Variants in ARHGAP39 observed in about 807,000 individuals in gnomAD.
ARHGAP39 encodes rho GTPase-activating protein 39.
ARHGAP39 carries 44 observed loss-of-function variants against 106.9 expected under a neutral mutation model. The ratio of observed to expected loss-of-function variants is 0.41; its 90% CI spans 0.32 to 0.53. The LOEUF is 0.53. ARHGAP39 is among the 20% of genes least tolerant of loss of function. The pLI, the probability that ARHGAP39 is intolerant of heterozygous loss-of-function variation, is 0.21. For missense variants in ARHGAP39, 1,496 were observed against 1,577.3 expected, an observed-to-expected ratio of 0.95 and a Z score of 0.87; for synonymous variants, 768 against 693.2, an observed-to-expected ratio of 1.11 and a Z score of -1.69.
Position 144,679,137 on chromosome 8 carries a change from C to T in ARHGAP39, c.-82+6549G>A, listed in dbSNP as rs1203841654. On this transcript the variant is annotated intron_variant, in intron 1 of 11. Coordinates refer to ENST00000377307, the MANE Select transcript of ARHGAP39 (RefSeq NM_025251.3). This position sits in a 1 kb window ranked among gnomAD's most constrained non-coding sequence, Gnocchi z 4.7. ...GAGTCTGAGCCGCCTCAGGGGCTCT[C>T]GCGCATGGTGGCCGGCTCCAGCGTC... Among the ~76,000 whole-genome samples the T allele has an allele frequency of 6.6e-6, 1 of 152,170 alleles. No individual in the cohort carries two copies. The highest frequency in any genetic ancestry group is 1.5e-5 in the Non-Finnish European group (1 of 68,026).
intron 2 of ARHGAP39, 41 bp from the exon 3 acceptor site, chr8:144,581,318 C>T: frequency 6.7e-7 from 1 of 1,503,700 alleles, no homozygotes; most frequent in Admixed American, 2.1e-5. Flanking sequence ...GCCACGGCGG[C>T]CTGGGCCCGC....
Position 144,530,599 on chromosome 8 carries a change from G to T in ARHGAP39, c.3168C>A (p.Ala1056=), listed in dbSNP as rs1420219324. 3.1e-6 allele frequency: 5 copies of T among 1,609,610 alleles called. No homozygotes were observed. Among genetic ancestry groups the T allele is most frequent in the Non-Finnish European group, 4.2e-6 (5 of 1,178,450 alleles). Residue 1056 remains alanine, a synonymous_variant, in exon 12 of 12, where the codon GCC becomes GCA. Transcript: ENST00000377307. ...CATCCATCTTGGTGACCGCGACGTT[G>T]GCCGGCTGCACGAAGACCTGGTGGA... ...IRFLQVFVQP[A]NVAVTKMDVS...
In ARHGAP39 at chr8:144,537,897, G is replaced by A. The variant is rs932869943; in HGVS notation, c.2522-84C>T. 5 of 1,256,438 alleles carry A rather than the reference G, an allele frequency of 4.0e-6. No homozygotes were observed. The African/African-American group carries it at 4.5e-5, about 11-fold the overall frequency. 77.8% of individuals were successfully genotyped at this position (1,256,438 alleles called of 1,614,324 possible). On this transcript the variant is annotated intron_variant, in intron 6 of 11. Transcript: ENST00000377307. The stretch of plus-strand genomic sequence containing the variant: ...CTCAGCTCCCGCACTTGGCTGGTGA[G>A]CAGGCCCCTGGGCCTGTTGGGGGCT...
At chr8:144,640,168 G>A (rs1464895070) in intron 1 of ARHGAP39, among the ~76,000 whole-genome samples, 1 of 152,092 alleles carries the variant, frequency 6.6e-6, no homozygotes, top group Non-Finnish European at 1.5e-5. Flanking sequence ...ACACAAACAC[G>A]TTCAAACAAG....
chr8:144,659,689 G>T (rs112467489), intron 1 of ARHGAP39, among the ~76,000 whole-genome samples: 2 of 152,122 alleles, frequency 1.3e-5, no homozygotes, highest in East Asian at 3.9e-4. Context: ...TGGCTTATTC[G>T]CTGGTTCTGA....
chr8:144,647,114 A>T lies in ARHGAP39; in HGVS notation c.-82+38572T>A, dbSNP rs1236531991. ...CTCCCGAGTAGCTGGGACTACAGCC[A>T]CCCGCCACCATGCCCGGCTAATTTT... On this transcript the variant is annotated intron_variant, in intron 1 of 11. Transcript: ENST00000377307. The surrounding 1 kb of genome is among the most constrained non-coding windows in gnomAD (Gnocchi z 4.8). Among the ~76,000 whole-genome samples, 1 of 151,342 alleles carries T rather than the reference A, an allele frequency of 6.6e-6. No individual in the cohort carries two copies. Among genetic ancestry groups the T allele is most frequent in the Non-Finnish European group, 1.5e-5 (1 of 67,860 alleles).
At chr8:144,659,394 C>T (rs1183790113) in intron 1 of ARHGAP39, among the ~76,000 whole-genome samples, 2 of 152,152 alleles carry the variant, frequency 1.3e-5, no homozygotes, top group African/African-American at 4.8e-5. Flanking sequence ...AACGATGTTG[C>T]CTTTTTCAAT....
rs1586886104 is a variant in ARHGAP39, at chr8:144,545,457, G to A, written c.2313C>T (p.Ala771=). 1.1e-5 allele frequency: 17 copies of A among 1,594,196 alleles called. No homozygotes were observed. Among genetic ancestry groups the A allele is most frequent in the Non-Finnish European group, 1.3e-5 (15 of 1,166,266 alleles). ...ADPLHVALEV[A]TKGWSVQGLR... is the part of the protein sequence containing the mutation. ...GGCCCTGCACGCTCCAGCCCTTGGT[G>A]GCCACCTCCAGGGCCACGTGCAGTG... Residue 771 remains alanine, a synonymous_variant, in exon 6 of 12, where the codon GCC becomes GCT. Coordinates refer to ENST00000377307, the MANE Select transcript of ARHGAP39 (RefSeq NM_025251.3).
chr8:144,602,337 G>A (rs1376929935), intron 2 of ARHGAP39, among the ~76,000 whole-genome samples: 3 of 136,060 alleles, frequency 2.2e-5, no homozygotes, highest in Non-Finnish European at 3.1e-5. Context: ...GTGCGAGCTC[G>A]TGTACCTGTA....
At chr8:144,594,908 G>A (rs911075316) in intron 2 of ARHGAP39, among the ~76,000 whole-genome samples, 1 of 152,074 alleles carries the variant, frequency 6.6e-6, no homozygotes, top group Admixed American at 6.5e-5. Flanking sequence ...AACAGGCTGG[G>A]TGTGGTGGCT....
At chr8:144,638,980 T>G (rs1384226320) in intron 1 of ARHGAP39, among the ~76,000 whole-genome samples, 2 of 152,354 alleles carry the variant, frequency 1.3e-5, no homozygotes, top group East Asian at 3.9e-4. Context: ...ACACTGCATT[T>G]GTTTTCACTC....
intron 2 of ARHGAP39, among the ~76,000 whole-genome samples, chr8:144,602,385 C>CTG (rs1200290301): frequency 2.0e-4 from 23 of 113,822 alleles, no homozygotes; most frequent in Admixed American, 4.8e-4. Flanking sequence ...GCTCATGTAC[C>CTG]TGTGTGTGTG....
At chr8:144,650,160 A>T (rs977420594) in intron 1 of ARHGAP39, among the ~76,000 whole-genome samples, 2 of 152,130 alleles carry the variant, frequency 1.3e-5, no homozygotes, top group African/African-American at 4.8e-5. Flanking sequence ...AAAAGAAAAA[A>T]AAAATTCCTG....
intron 1 of ARHGAP39, among the ~76,000 whole-genome samples, chr8:144,638,752 T>G (rs1297334369): frequency 6.6e-6 from 1 of 152,206 alleles, no homozygotes; most frequent in African/African-American, 2.4e-5. Context: ...GACTTTTGAG[T>G]GTTCTGTAGC....
At chr8:144,543,554 G>A (rs983982447) in intron 6 of ARHGAP39, among the ~76,000 whole-genome samples, 3 of 152,210 alleles carry the variant, frequency 2.0e-5, no homozygotes, top group Non-Finnish European at 2.9e-5. Context: ...CCCCAGCCCC[G>A]CTGTCACTCC....
chr8:144,626,634 C>A (rs527431892), intron 1 of ARHGAP39, among the ~76,000 whole-genome samples: 48 of 152,320 alleles, frequency 3.2e-4, no homozygotes, highest in African/African-American at 1.2e-3. Flanking sequence ...TGCACTGCAG[C>A]AGGCCCAGCA....
chr8:144,608,654 G>A (rs1313856274), intron 1 of ARHGAP39, among the ~76,000 whole-genome samples: 2 of 152,214 alleles, frequency 1.3e-5, no homozygotes, highest in African/African-American at 4.8e-5. Flanking sequence ...CTGGGATTTT[G>A]ATTGCAGTTG....
Position 144,548,288 on chromosome 8 carries a change from G to GAAGA in ARHGAP39, c.794_797dup (p.Phe267LeufsTer44), listed in dbSNP as rs1564841824. ...AGGGTGACGGCCTCCTCTCTGGGAA[G>GAAGA]AAGATGGTGCCGTCAGCCTCCGGGG... is the stretch of plus-strand genomic sequence containing the variant. On this transcript the variant is annotated frameshift_variant, in exon 5 of 12. Transcript: ENST00000377307. LOFTEE classifies it high-confidence loss of function. This position sits in a 1 kb window ranked among gnomAD's most constrained non-coding sequence, Gnocchi z 7.4. 1 of 1,609,312 alleles carries GAAGA rather than the reference G, an allele frequency of 6.2e-7. No individual in the cohort carries two copies. Among genetic ancestry groups the GAAGA allele is most frequent in the East Asian group, 2.2e-5 (1 of 44,698 alleles).
chr8:144,655,215 G>A lies in ARHGAP39; in HGVS notation c.-82+30471C>T, dbSNP rs1031857107. Reference sequence around the variant, plus strand: ...CTGGGGGCTGGGCTGCCAGTCCCATGGACTGGAGTGGGAAGTTGTGGTGCC... The same window carrying A: ...CTGGGGGCTGGGCTGCCAGTCCCATAGACTGGAGTGGGAAGTTGTGGTGCC... On this transcript the variant is annotated intron_variant, in intron 1 of 11. Transcript: ENST00000377307. Among the ~76,000 whole-genome samples the A allele has an allele frequency of 5.1e-4, 78 of 152,144 alleles. 2 individuals are homozygous for A. Among genetic ancestry groups the A allele is most frequent in the Admixed American group, 3.3e-3 (51 of 15,274 alleles).
Sources: gnomAD v4.1 joint callset for allele counts (sites outside exome capture counted in the v4.1 genomes callset) on GRCh38, gnomAD v4.1.1 for gene constraint, Gnocchi (gnomAD v3.1) non-coding constraint, MANE v1.5 for transcripts, NCBI Gene and HGNC (gene_info 2026-07-23, HGNC 2026-07-21) for gene names.